The following TLE2 variants were observed in gnomAD, a reference collection of about 807,000 sequenced individuals.
TLE2 encodes transducin-like enhancer protein 2.
A neutral mutation model predicts 97.2 loss-of-function variants in TLE2; 74 were observed. The observed-to-expected ratio is 0.76, with a 90% CI of 0.63 to 0.92. The LOEUF (loss-of-function observed/expected upper bound fraction) is 0.92. Among genes scored for constraint, TLE2 ranks in the 40% least tolerant of loss-of-function variants. The pLI is 0.00. For synonymous variants in TLE2, 499 were observed against 432.1 expected (o/e 1.15, Z -1.92); for missense variants, 1,038 against 1,008.7 (o/e 1.03, Z -0.39).
At chr19:3,015,476 G>C (rs987945332) in intron 9 of TLE2, among the ~76,000 whole-genome samples, 177 bp downstream of exon 9, 5 of 152,254 alleles carry the variant, frequency 3.3e-5, no homozygotes, top group African/African-American at 7.2e-5. Context: ...AGCAACTGGA[G>C]TTAAGCCTTG....
chr19:3,029,387 C>G (rs1461917594), upstream of TLE2, among the ~76,000 whole-genome samples: 1 of 147,282 alleles, frequency 6.8e-6, no homozygotes, highest in Non-Finnish European at 1.5e-5. Flanking sequence ...GCCCGCGCCC[C>G]CCCCGGCCCC....
chr19:3,043,199 G>A (rs2090117134), intron 1 of TLE2, among the ~76,000 whole-genome samples: 1 of 151,426 alleles, frequency 6.6e-6, no homozygotes, highest in South Asian at 2.1e-4. Context: ...CAAGATCACG[G>A]CTCCCTGCGA....
At chr19:3,011,718 C>T (rs865866387) in intron 11 of TLE2, among the ~76,000 whole-genome samples, 2 of 151,612 alleles carry the variant, frequency 1.3e-5, no homozygotes, top group South Asian at 2.1e-4. Context: ...GACGTGGTGG[C>T]GCATGCCTGT....
At chr19:3,015,895 G>A in intron 8 of TLE2, 135 bp from the exon 9 acceptor site, 1 of 726,870 alleles carries the variant, frequency 1.4e-6, no homozygotes, top group Non-Finnish European at 2.5e-6. Context: ...TGGGAAATGG[G>A]AGCTTCCAAC....
chr19:3,043,643 CAAA>C (rs35442589), intron 1 of TLE2, among the ~76,000 whole-genome samples: 2,135 of 120,538 alleles, frequency 0.018, 57 homozygotes, highest in African/African-American at 0.056. Context: ...ACTAAAAATA[CAAA>C]AAAAAAAAAA....
chr19:3,005,367 C>T lies in TLE2; in HGVS notation c.1896+70G>A, dbSNP rs2089450772. The T allele has an allele frequency of 1.9e-6, 3 of 1,564,334 alleles. No individual in the cohort carries two copies. The South Asian group carries it at 3.6e-5, about 19-fold the overall frequency. The stretch of plus-strand genomic sequence containing the variant: ...CTGTCCTGCCTCTGGAAGTGGGCAC[C>T]TCACAAGGAGAGGAAGGGATGCTGT... On this transcript the variant is annotated intron_variant, in intron 17 of 19. Transcript: ENST00000262953.
upstream of TLE2, chr19:3,029,558 C>CGGGGGGG: frequency 9.3e-6 from 2 of 214,858 alleles, no homozygotes; most frequent in African/African-American, 7.3e-5. Context: ...ACCGTGGGAG[C>CGGGGGGG]GGGGGGGGGG....
intron 15 of TLE2, 57 bp from the exon 16 acceptor site, chr19:3,006,025 A>C: frequency 1.9e-6 from 3 of 1,593,676 alleles, no homozygotes; most frequent in Non-Finnish European, 2.6e-6. Flanking sequence ...GGTCTCTAGG[A>C]GCCTAGCTCA....
At chr19:3,003,546 G>C (rs1019681909) in intron 17 of TLE2, among the ~76,000 whole-genome samples, 22 of 152,086 alleles carry the variant, frequency 1.4e-4, no homozygotes, top group Admixed American at 5.9e-4. Context: ...GCTGAGGCAG[G>C]AGAATCGCTT....
rs145901342 is a variant in TLE2 at position 3,017,736 on chromosome 19, G to A, written c.570+104C>T. 1,501 of 1,110,922 alleles carry A rather than the reference G, an allele frequency of 1.4e-3. 25 individuals are homozygous for A. Among genetic ancestry groups the A allele is most frequent in the Non-Finnish European group, 5.3e-5 (41 of 774,610 alleles). 68.8% of individuals were successfully genotyped at this position (1,110,922 alleles called of 1,614,324 possible). A position where few individuals can be genotyped will look rare whatever the true frequency, so the allele number is the denominator to read the frequency against. ...CAAAGTGCTGGGATCAAAGGCGTGA[G>A]CCACCATGATCGACCTAGGTCTCAT... On this transcript the variant is annotated intron_variant, in intron 8 of 19. Transcript: ENST00000262953.
At chr19:3,007,453 T>G (rs1457130693) in intron 14 of TLE2, among the ~76,000 whole-genome samples, 1 of 152,154 alleles carries the variant, frequency 6.6e-6, no homozygotes, top group Non-Finnish European at 1.5e-5. Context: ...TCTTGCTATG[T>G]TGCCCAGGCT....
At chr19:3,016,726 G>T (rs1397693038) in intron 8 of TLE2, among the ~76,000 whole-genome samples, 1 of 152,112 alleles carries the variant, frequency 6.6e-6, no homozygotes, top group Non-Finnish European at 1.5e-5. Flanking sequence ...ATGGGAAGAA[G>T]GGTCCAAGGT....
At chr19:3,006,810 T>A in intron 14 of TLE2, 141 bp from the exon 15 acceptor site, 9 of 1,238,172 alleles carry the variant, frequency 7.3e-6, no homozygotes, top group Non-Finnish European at 8.8e-6. Flanking sequence ...TGAGAGGGAG[T>A]CTCGCCGTGT....
intron 5 of TLE2, among the ~76,000 whole-genome samples, chr19:3,021,360 G>A (rs8106301): frequency 0.14 from 20,600 of 150,640 alleles, 1,654 homozygotes; most frequent in East Asian, 0.33. Flanking sequence ...AGCCAAGATC[G>A]TGCCATGCAC....
Position 3,019,349 on chromosome 19 carries a change from C to G in TLE2, c.484G>C (p.Ala162Pro), listed in dbSNP as rs775156191. 19 of 1,566,582 alleles carry G rather than the reference C, an allele frequency of 1.2e-5. No individual in the cohort carries two copies. The highest frequency in any genetic ancestry group is 1.6e-5 in the Non-Finnish European group (19 of 1,164,150). Reference protein sequence around the residue: ...GLLALSGALAAQAQLAAAVKE... With the variant: ...GLLALSGALAPQAQLAAAVKE... The stretch of plus-strand genomic sequence containing the variant: ...ACAGCCGCCGCCAGCTGAGCCTGGG[C>G]AGCCAGGGCTCCAGACAGAGCAAGC... Residue 162 changes from alanine to proline, a missense_variant, in exon 7 of 20, where the codon GCC becomes CCC. Ala to Pro is a conservative substitution (Grantham distance 27, BLOSUM62 -1). Transcript: ENST00000262953. The surrounding 1 kb of genome is among the most constrained non-coding windows in gnomAD (Gnocchi z 5.1).
At chr19:3,025,115 G>A (rs377624386) in intron 4 of TLE2, 33 bp from the exon 5 acceptor site, 32 of 1,579,358 alleles carry the variant, frequency 2.0e-5, no homozygotes, top group Middle Eastern at 3.3e-4. Flanking sequence ...AGCTTGGAGC[G>A]GGGTAGAGAT....
Position 2,997,742 on chromosome 19 carries a change from A to C in TLE2, c.*106T>G. The C allele has an allele frequency of 1.3e-6, 1 of 789,098 alleles. No individual in the cohort carries two copies. Among genetic ancestry groups the C allele is most frequent in the Non-Finnish European group, 2.1e-6 (1 of 465,322 alleles). 48.9% of individuals were successfully genotyped at this position (789,098 alleles called of 1,614,324 possible). ...AGCCGTTGGCCAGAGAGCAGATGGG[A>C]TGTACGGTTCCTAGGCAGGGCTGGG... On this transcript the variant is annotated 3_prime_UTR_variant, in exon 20 of 20. Coordinates refer to ENST00000262953, the MANE Select transcript of TLE2 (RefSeq NM_003260.5).
Position 3,037,681 on chromosome 19 carries a change from T to G in TLE2, c.63+8045A>C, listed in dbSNP as rs192191578. On this transcript the variant is annotated intron_variant, in intron 1 of 18. Coordinates refer to the TLE2 transcript ENST00000426948. The stretch of plus-strand genomic sequence containing the variant: ...TGAGGGGCTCAGGAACTCCAGCCTC[T>G]CCCTGAGTAAGAACTGGGCGGCTGG... Among the ~76,000 whole-genome samples the G allele has an allele frequency of 1.4e-4, 21 of 152,200 alleles. No individual in the cohort carries two copies. In the East Asian group the frequency reaches 3.5e-3, roughly 25 times the overall value.
At position 3,019,415 on chromosome 19, in the gene TLE2, G is replaced by A. The variant is rs2089790637; in HGVS notation, c.418C>T (p.Pro140Ser). The change falls in exon 7 of 20, where the codon CCC becomes TCC. Residue 140 changes from proline (P) to serine (S), a missense_variant. Pro to Ser is a moderately conservative substitution (Grantham distance 74). Transcript: ENST00000262953. This position sits in a 1 kb window ranked among gnomAD's most constrained non-coding sequence, Gnocchi z 5.1. ...CCGCCCACCAGCCCGGCTGGGCGGGGGGTGAGGGGCACAGGGGGTGCGTGG... is the reference window on the plus strand; with the variant it reads ...CCGCCCACCAGCCCGGCTGGGCGGGAGGTGAGGGGCACAGGGGGTGCGTGG... ...SHHAPPVPLT[P>S]RPAGLVGGSA... 1.3e-6 allele frequency: 2 copies of A among 1,538,452 alleles called. No individual in the cohort carries two copies. Among genetic ancestry groups the A allele is most frequent in the South Asian group, 1.2e-5 (1 of 84,078 alleles).
Sources: allele counts gnomAD v4.1 joint callset (sites outside exome capture counted in the v4.1 genomes callset), GRCh38; gene constraint gnomAD v4.1.1; non-coding constraint Gnocchi (gnomAD v3.1); transcripts MANE v1.5; gene names NCBI Gene and HGNC (gene_info 2026-07-23, HGNC 2026-07-21).